Variants in RFPL2 observed in about 807,000 individuals in gnomAD.
RFPL2 encodes ret finger protein like 2, also known as ret finger protein-like 2.
RFPL2 carries 13 observed loss-of-function variants against 17.8 expected under a neutral mutation model. The observed-to-expected ratio is 0.73, with a 90% CI of 0.47 to 1.16. RFPL2 has a LOEUF of 1.16. RFPL2 is among the 50% of genes most tolerant of loss of function. The pLI, the probability that RFPL2 is intolerant of heterozygous loss-of-function variation, is 0.00. For synonymous variants in RFPL2, 189 were observed against 180.9 expected (o/e 1.04, Z -0.36); for missense variants, 431 against 479.3 (o/e 0.90, Z 0.94).
rs1187679196 is a variant in RFPL2, at chr22:32,191,102, C to A, written c.807G>T (p.Gln269His). The A allele has an allele frequency of 1.9e-5, 30 of 1,613,866 alleles. No homozygotes were observed. Among genetic ancestry groups the A allele is most frequent in the Admixed American group, 1.0e-4 (6 of 59,994 alleles). ...RESVHRKGRI[Q>H]LTTELGFWTV... ...TCCAGAATCCAAGCTCTGTGGTCAG[C>A]TGGATCCTCCCTTTGCGGTGAACAG... Residue 269 changes from glutamine (Q) to histidine (H), a missense_variant, in exon 5 of 5, where the codon CAG becomes CAT. By Grantham distance (24) the Gln-to-His change is conservative. Coordinates refer to ENST00000652607, the MANE Select transcript of RFPL2 (RefSeq NM_001394555.1).
chr22:32,196,555 G>C (rs192863189), intron 2 of RFPL2, among the ~76,000 whole-genome samples: 1 of 152,308 alleles, frequency 6.6e-6, no homozygotes, highest in East Asian at 1.9e-4. Context: ...CTCTTTGCTG[G>C]ATTCTGGGTC....
chr22:32,194,800 G>A (rs1276044696), intron 2 of RFPL2, among the ~76,000 whole-genome samples: 2 of 152,208 alleles, frequency 1.3e-5, no homozygotes, highest in Non-Finnish European at 2.9e-5. Flanking sequence ...ATATACATCA[G>A]ACTCAAAGGT....
chr22:32,194,530 T>C, intron 2 of RFPL2, 40 bp from the exon 3 acceptor site: 2 of 1,570,432 alleles, frequency 1.3e-6, no homozygotes, highest in South Asian at 1.1e-5. Flanking sequence ...TTTTTACTGG[T>C]GATATATCTC....
intron 3 of RFPL2, 22 bp from the exon 4 acceptor site, chr22:32,193,214 A>T: frequency 6.2e-7 from 1 of 1,613,976 alleles, no homozygotes; most frequent in African/African-American, 1.3e-5. Context: ...AAAGTACACA[A>T]GGTAAAAAAA....
Position 32,191,191 on chromosome 22 carries a change from G to A in RFPL2, c.718C>T (p.Arg240Cys), listed in dbSNP as rs200061610. ...ILGSPRFTCG[R>C]HCWEVDVGTS... is the part of the protein sequence containing the mutation. ...CCCACGTCCACCTCCCAGCAGTGGC[G>A]GCCACAGGTAAAGCGAGGGGAGCCC... The change falls in exon 5 of 5, where the codon CGC (arginine) becomes TGC (cysteine). Residue 240 changes from arginine to cysteine, a missense_variant. Physicochemically the swap from Arg to Cys is radical, Grantham distance 180 (BLOSUM62 -3). Coordinates refer to ENST00000652607, the MANE Select transcript of RFPL2 (RefSeq NM_001394555.1). 699 of 1,613,864 alleles carry A rather than the reference G, an allele frequency of 4.3e-4. 9 individuals are homozygous for A. The South Asian group carries it at 6.9e-3, about 16-fold the overall frequency.
At chr22:32,199,216 G>T (rs1031646209) in intron 2 of RFPL2, among the ~76,000 whole-genome samples, 1 of 152,116 alleles carries the variant, frequency 6.6e-6, no homozygotes, top group Non-Finnish European at 1.5e-5. Context: ...GGGGAAGGCT[G>T]TGGACATGAA....
At position 32,204,927 on chromosome 22, in the gene RFPL2, C is replaced by T. The variant is rs937405354; in HGVS notation, c.-320G>A. Among the ~76,000 whole-genome samples the T allele has an allele frequency of 1.3e-5, 2 of 152,212 alleles. No individual in the cohort carries two copies. Among genetic ancestry groups the T allele is most frequent in the Non-Finnish European group, 2.9e-5 (2 of 68,040 alleles). ...CCAATCAGAACAAGATAACAAAGCC[C>T]GATCAGAGTAGGCCTAGAGGTTTCT... On this transcript the variant is annotated 5_prime_UTR_variant, in exon 1 of 5. Coordinates refer to ENST00000652607, the MANE Select transcript of RFPL2 (RefSeq NM_001394555.1).
At position 32,190,697 on chromosome 22, in the gene RFPL2, C is replaced by T. The variant is rs981197258; in HGVS notation, c.*75G>A. On this transcript the variant is annotated 3_prime_UTR_variant, in exon 5 of 5. Transcript: ENST00000652607. Reference sequence around the variant, plus strand: ...CCCGTGACTTTGTATAATGCTTTTACGAAGTAGAGCGTTCCTAAGTCTACC... The same window carrying T: ...CCCGTGACTTTGTATAATGCTTTTATGAAGTAGAGCGTTCCTAAGTCTACC... 32 of 1,401,420 alleles carry T rather than the reference C, an allele frequency of 2.3e-5. 1 individual carries two copies. Among genetic ancestry groups the T allele is most frequent in the Admixed American group, 1.5e-4 (6 of 40,340 alleles). 86.8% of individuals were successfully genotyped at this position (1,401,420 alleles called of 1,614,324 possible).
Position 32,193,161 on chromosome 22 carries a change from G to T in RFPL2, c.297C>A (p.Ser99Arg). 1 of 1,613,970 alleles carries T rather than the reference G, an allele frequency of 6.2e-7. No individual in the cohort carries two copies. Among genetic ancestry groups the T allele is most frequent in the Non-Finnish European group, 8.5e-7 (1 of 1,179,876 alleles). ...VDMAALFQEA[S>R]SCPVCSDYLE... ...GATAGTCTGAGCAGACGGGACAGCT[G>T]CTTGCTTCTTGGAAGAGTGCAGCCA... The change falls in exon 4 of 5, where the codon AGC becomes AGA. Residue 99 changes from serine to arginine, a missense_variant. Coordinates refer to ENST00000652607, the MANE Select transcript of RFPL2 (RefSeq NM_001394555.1).
chr22:32,197,334 TG>T (rs1246686127), intron 2 of RFPL2, among the ~76,000 whole-genome samples: 3 of 152,144 alleles, frequency 2.0e-5, no homozygotes, highest in Non-Finnish European at 2.9e-5. Flanking sequence ...AAAGGCACAG[TG>T]CTGGCTGCAA....
At chr22:32,194,624 T>G (rs1432817041) in intron 2 of RFPL2, 134 bp from the exon 3 acceptor site, 5 of 883,674 alleles carry the variant, frequency 5.7e-6, no homozygotes, top group African/African-American at 1.7e-5. Flanking sequence ...TGCCTTTATA[T>G]TAAATTAGGC....
chr22:32,203,488 T>A (rs1316313722), intron 1 of RFPL2: 3 of 151,552 alleles, frequency 2.0e-5, no homozygotes, highest in Admixed American at 2.0e-4. Context: ...GGGCACCCAA[T>A]CTGCCACCCA....
intron 2 of RFPL2, among the ~76,000 whole-genome samples, chr22:32,201,483 G>C (rs539831269): frequency 5.3e-5 from 8 of 152,222 alleles, no homozygotes; most frequent in Non-Finnish European, 1.0e-4. Flanking sequence ...TTTGGTCTCT[G>C]ACACATGCAC....
chr22:32,192,357 TGAG>T (rs1352893334), intron 4 of RFPL2, among the ~76,000 whole-genome samples: 1 of 152,188 alleles, frequency 6.6e-6, no homozygotes, highest in Non-Finnish European at 1.5e-5. Context: ...GGCGCATGGA[TGAG>T]GAGAACACTG....
At chr22:32,197,255 A>T (rs1169396782) in intron 2 of RFPL2, among the ~76,000 whole-genome samples, 1 of 152,246 alleles carries the variant, frequency 6.6e-6, no homozygotes, top group East Asian at 1.9e-4. Flanking sequence ...ATAAAAGGAA[A>T]TCATTCTCAT....
rs746211576 is a variant in RFPL2 at position 32,202,340 on chromosome 22, T to C, written c.112A>G (p.Ser38Gly). Residue 38 changes from serine to glycine, a missense_variant, in exon 2 of 5, where the codon AGC becomes GGC. Physicochemically the swap from Ser to Gly is moderately conservative, Grantham distance 56. Transcript: ENST00000652607. The part of the protein sequence containing the change: ...WDFADMMVIR[S>G]LSLIRLEGVE... The stretch of plus-strand genomic sequence containing the variant: ...CCCAGAATTGTCTCTCACCTCAGGC[T>C]CCTTATCACCATCATGTCTGCAAAG... 5.1e-5 allele frequency: 81 copies of C among 1,598,272 alleles called. No homozygotes were observed. In the Middle Eastern group the frequency reaches 1.5e-3, roughly 29 times the overall value.
chr22:32,190,584 G>A lies in RFPL2; in HGVS notation c.*188C>T. ...AGATGTGAACCATAGGACTCAATGAGTTTGATGGTGGCAATAATTAATACT... is the reference window on the plus strand; with the variant it reads ...AGATGTGAACCATAGGACTCAATGAATTTGATGGTGGCAATAATTAATACT... On this transcript the variant is annotated 3_prime_UTR_variant, in exon 5 of 5. Coordinates refer to ENST00000652607, the MANE Select transcript of RFPL2 (RefSeq NM_001394555.1). 2.0e-6 allele frequency: 1 copy of A among 512,124 alleles called. No individual in the cohort carries two copies. Among genetic ancestry groups the A allele is most frequent in the Non-Finnish European group, 3.2e-6 (1 of 310,224 alleles). 31.7% of individuals were successfully genotyped at this position (512,124 alleles called of 1,614,324 possible). A position where few individuals can be genotyped will look rare whatever the true frequency, so the allele number is the denominator to read the frequency against.
At chr22:32,192,610 A>G (rs1428010474) in intron 4 of RFPL2, among the ~76,000 whole-genome samples, 1 of 152,200 alleles carries the variant, frequency 6.6e-6, no homozygotes, top group Non-Finnish European at 1.5e-5. Context: ...CAATCCTGAG[A>G]CTTCCCAGTT....
chr22:32,200,507 G>A (rs545744934), intron 2 of RFPL2, among the ~76,000 whole-genome samples: 2 of 152,062 alleles, frequency 1.3e-5, no homozygotes, highest in South Asian at 4.2e-4. Flanking sequence ...GACTCCCAGG[G>A]GTGTCTCCTG....
Sources: gnomAD v4.1 joint callset for allele counts (sites outside exome capture counted in the v4.1 genomes callset) on GRCh38, gnomAD v4.1.1 for gene constraint, MANE v1.5 for transcripts, NCBI Gene and HGNC (gene_info 2026-07-23, HGNC 2026-07-21) for gene names.